Variants in SLC41A2 observed in about 807,000 individuals in gnomAD.
The protein encoded by SLC41A2 is SLC41A1-like 1.
SLC41A2 carries 32 observed loss-of-function variants against 58.3 expected under a neutral mutation model. The observed-to-expected ratio is 0.55, with a 90% CI of 0.41 to 0.74. The LOEUF is 0.74. SLC41A2 is among the 30% of genes least tolerant of loss of function. The pLI, the probability that SLC41A2 is intolerant of heterozygous loss-of-function variation, is 0.00. For missense variants in SLC41A2, 514 were observed against 680.6 expected (o/e 0.76, Z 2.72); for synonymous variants, 190 against 235.0 (o/e 0.81, Z 1.75).
Position 104,866,423 on chromosome 12 carries a change from A to T in SLC41A2, c.1175+9T>A. On this transcript the variant is annotated intron_variant, in intron 7 of 10. Transcript: ENST00000258538. ...ACACACACACACACACACATATTTT[A>T]ATACTAACCTACTTATAACCATAGC... 1 of 1,606,966 alleles carries T rather than the reference A, an allele frequency of 6.2e-7. No individual in the cohort carries two copies. The highest frequency in any genetic ancestry group is 1.1e-5 in the South Asian group (1 of 90,344).
intron 10 of SLC41A2, among the ~76,000 whole-genome samples, chr12:104,824,954 C>A (rs57845641): frequency 6.6e-6 from 1 of 152,172 alleles, no homozygotes; most frequent in African/African-American, 2.4e-5. Flanking sequence ...CTCTTTCCTG[C>A]GGGTAAGAGG....
At chr12:104,938,981 C>T (rs1260511097) in intron 1 of SLC41A2, among the ~76,000 whole-genome samples, 1 of 152,048 alleles carries the variant, frequency 6.6e-6, no homozygotes, top group East Asian at 1.9e-4. Context: ...ACAATCTTTT[C>T]CTAAAAAATA....
chr12:104,830,885 A>T (rs2042012788), intron 10 of SLC41A2, among the ~76,000 whole-genome samples: 2 of 152,174 alleles, frequency 1.3e-5, no homozygotes, highest in African/African-American at 4.8e-5. Context: ...ATTTACTTTT[A>T]AAAAACCTTT....
chr12:104,817,947 T>C (rs1224240165), intron 10 of SLC41A2, among the ~76,000 whole-genome samples: 4 of 152,168 alleles, frequency 2.6e-5, no homozygotes, highest in Admixed American at 2.6e-4. Context: ...AGCACATGAC[T>C]ACACTTGAAA....
chr12:104,824,432 C>CTG (rs2041763313), intron 10 of SLC41A2, among the ~76,000 whole-genome samples: 1 of 152,168 alleles, frequency 6.6e-6, no homozygotes, highest in Non-Finnish European at 1.5e-5. Context: ...AGAGCCCAGG[C>CTG]CTCCAAGCGG....
At chr12:104,882,139 C>G (rs1039169029) in intron 6 of SLC41A2, among the ~76,000 whole-genome samples, 19 of 151,884 alleles carry the variant, frequency 1.3e-4, no homozygotes, top group Non-Finnish European at 1.6e-4. Context: ...GATTGCAACC[C>G]CTGCTTTTTT....
chr12:104,805,092 C>A lies in SLC41A2; in HGVS notation c.*60G>T. 7.2e-7 allele frequency: 1 copy of A among 1,396,690 alleles called. No homozygotes were observed. 86.5% of individuals were successfully genotyped at this position (1,396,690 alleles called of 1,614,324 possible). On this transcript the variant is annotated 3_prime_UTR_variant, in exon 11 of 11. Coordinates refer to ENST00000258538, the MANE Select transcript of SLC41A2 (RefSeq NM_001352171.3). ...CTGATTTAAGAGTTTTGAAAAAGAGCCATAAGTGGTTGTCGTGTATTTTCT... is the reference window on the plus strand; with the variant it reads ...CTGATTTAAGAGTTTTGAAAAAGAGACATAAGTGGTTGTCGTGTATTTTCT...
intron 4 of SLC41A2, among the ~76,000 whole-genome samples, chr12:104,892,461 C>G (rs555954159): frequency 6.6e-6 from 1 of 151,296 alleles, no homozygotes; most frequent in Non-Finnish European, 1.5e-5. Flanking sequence ...CAATGTAATC[C>G]CTATCAAAAT....
chr12:104,844,541 C>A lies in SLC41A2; in HGVS notation c.1467G>T (p.Leu489Phe). Residue 489 changes from leucine (L) to phenylalanine (F), a missense_variant, in exon 10 of 11, where the codon TTG (leucine) becomes TTT (phenylalanine). Physicochemically the swap from Leu to Phe is conservative, Grantham distance 22 (BLOSUM62 0). Transcript: ENST00000258538. ...GHLIFLYTIH[L>F]MKSGHTSLTI... ...TTAAAGAAGTATGACCACTTTTCATCAAATGAATAGTGTAGAGGAAAATTA... is the reference window on the plus strand; with the variant it reads ...TTAAAGAAGTATGACCACTTTTCATAAAATGAATAGTGTAGAGGAAAATTA... 6.4e-7 allele frequency: 1 copy of A among 1,569,376 alleles called. No individual in the cohort carries two copies. Among genetic ancestry groups the A allele is most frequent in the Non-Finnish European group, 8.7e-7 (1 of 1,155,958 alleles).
chr12:104,815,292 C>T (rs2453172), intron 10 of SLC41A2, among the ~76,000 whole-genome samples: 88,406 of 152,010 alleles, frequency 0.58, 26,141 homozygotes, highest in African/African-American at 0.66. Context: ...GGAAAGCACA[C>T]TGAACACACC....
chr12:104,862,456 A>C (rs2043246446), intron 7 of SLC41A2, among the ~76,000 whole-genome samples: 2 of 152,172 alleles, frequency 1.3e-5, no homozygotes, highest in African/African-American at 2.4e-5. Flanking sequence ...CAAAATATAT[A>C]GATCATGTTG....
intron 10 of SLC41A2, among the ~76,000 whole-genome samples, chr12:104,831,918 A>G (rs910061892): frequency 7.2e-5 from 11 of 152,206 alleles, no homozygotes; most frequent in Admixed American, 2.0e-4. Flanking sequence ...AACAATATTC[A>G]TTTTATAAAT....
chr12:104,820,390 G>A (rs753124134), intron 10 of SLC41A2, among the ~76,000 whole-genome samples: 3 of 152,224 alleles, frequency 2.0e-5, no homozygotes, highest in Non-Finnish European at 4.4e-5. Flanking sequence ...CTTAAGCCGA[G>A]GAGTTCAAGG....
chr12:104,854,285 T>C lies in SLC41A2; in HGVS notation c.1255+7006A>G, dbSNP rs1017160117. Among the ~76,000 whole-genome samples the C allele has an allele frequency of 3.3e-5, 5 of 150,574 alleles. No homozygotes were observed. The South Asian group carries it at 8.9e-4, about 27-fold the overall frequency. ...TAAAAGATTGAAAAACACCGCCGGC[T>C]GGGCGTGGTGGCTCACGCCTGTAAT... On this transcript the variant is annotated intron_variant, in intron 8 of 10. Transcript: ENST00000258538.
chr12:104,821,466 A>G (rs892204267), intron 10 of SLC41A2, among the ~76,000 whole-genome samples: 4 of 152,202 alleles, frequency 2.6e-5, no homozygotes, highest in Non-Finnish European at 5.9e-5. Context: ...AAATGGTTGA[A>G]TACATTGTGG....
intron 8 of SLC41A2, among the ~76,000 whole-genome samples, chr12:104,847,351 C>T (rs1048674320): frequency 1.3e-5 from 2 of 151,976 alleles, no homozygotes; most frequent in African/African-American, 4.8e-5. Context: ...CGCCTGTAAT[C>T]CCAGCACTTT....
At chr12:104,868,331 G>C (rs1483340739) in intron 6 of SLC41A2, among the ~76,000 whole-genome samples, 1 of 152,134 alleles carries the variant, frequency 6.6e-6, no homozygotes. Context: ...TATTCTGCTA[G>C]GTCAGATCAT....
chr12:104,883,163 G>C (rs1488929066), intron 6 of SLC41A2, among the ~76,000 whole-genome samples: 1 of 152,070 alleles, frequency 6.6e-6, no homozygotes, highest in Non-Finnish European at 1.5e-5. Flanking sequence ...ATGGTTTTCG[G>C]CTCCATTGGG....
intron 2 of SLC41A2, among the ~76,000 whole-genome samples, chr12:104,920,899 G>C (rs2135843126): frequency 6.6e-6 from 1 of 151,874 alleles, no homozygotes; most frequent in South Asian, 2.1e-4. Context: ...ACTCCAGCCT[G>C]GGTGACAGAG....
Sources: gnomAD v4.1 joint callset for allele counts (sites outside exome capture counted in the v4.1 genomes callset) on GRCh38, gnomAD v4.1.1 for gene constraint, MANE v1.5 for transcripts, NCBI Gene and HGNC (gene_info 2026-07-23, HGNC 2026-07-21) for gene names.